The following ABAT variants were observed in gnomAD, a reference collection of about 807,000 sequenced individuals.
ABAT encodes 4-aminobutyrate aminotransferase, also known as 4-aminobutyrate aminotransferase, mitochondrial.
A neutral mutation model predicts 64.6 loss-of-function variants in ABAT; 45 were observed. That is an observed-to-expected ratio of 0.70 (90% confidence interval 0.55 to 0.89). The LOEUF (loss-of-function observed/expected upper bound fraction) is 0.89, where lower values mean the gene tolerates loss of function less well. ABAT is among the 40% of genes least tolerant of loss of function. The pLI is 0.00. For synonymous variants in ABAT, 297 were observed against 250.5 expected (o/e 1.19, Z -1.75); for missense variants, 633 against 658.4 (o/e 0.96, Z 0.42).
chr16:8,681,575 C>T (rs1191746468), intron 1 of ABAT, among the ~76,000 whole-genome samples: 1 of 148,564 alleles, frequency 6.7e-6, no homozygotes, highest in Non-Finnish European at 1.5e-5. Flanking sequence ...AGAGACTTTG[C>T]AGAAATAGTT....
intron 1 of ABAT, among the ~76,000 whole-genome samples, chr16:8,719,853 C>T (rs1244381892): frequency 1.3e-5 from 2 of 152,204 alleles, no homozygotes; most frequent in African/African-American, 4.8e-5. Flanking sequence ...ACTCTTGTCG[C>T]CAGGTTGGAG....
chr16:8,754,722 C>T (rs12932819), intron 5 of ABAT, among the ~76,000 whole-genome samples: 4,707 of 132,990 alleles, frequency 0.035, 307 homozygotes, highest in African/African-American at 0.13. Flanking sequence ...TTCTTTCTTT[C>T]TTTTTTTTTT....
intron 2 of ABAT, among the ~76,000 whole-genome samples, chr16:8,743,441 A>ATATATATG (rs1158084095): frequency 1.1e-5 from 1 of 89,010 alleles, no homozygotes; most frequent in African/African-American, 3.8e-5. Flanking sequence ...ATATATATAT[A>ATATATATG]TATACACACA....
chr16:8,777,905 A>G (rs1040930288), intron 14 of ABAT, among the ~76,000 whole-genome samples: 7 of 152,166 alleles, frequency 4.6e-5, no homozygotes, highest in Non-Finnish European at 1.0e-4. Context: ...CTTCAGCTCA[A>G]CTGAGTTTGA....
intron 2 of ABAT, among the ~76,000 whole-genome samples, chr16:8,742,021 G>T (rs1173257170): frequency 6.6e-6 from 1 of 152,192 alleles, no homozygotes; most frequent in Non-Finnish European, 1.5e-5. Context: ...CTTTCTGATA[G>T]CGCAGTTGCA....
intron 1 of ABAT, among the ~76,000 whole-genome samples, chr16:8,704,749 T>C (rs2057901901): frequency 6.6e-6 from 1 of 152,230 alleles, no homozygotes; most frequent in African/African-American, 2.4e-5. Context: ...TTTCAGTTAA[T>C]GTCATATAAT....
chr16:8,768,761 T>C, intron 10 of ABAT, 64 bp from the exon 11 acceptor site: 2 of 1,610,760 alleles, frequency 1.2e-6, no homozygotes, highest in Non-Finnish European at 1.7e-6. Flanking sequence ...TCATCTCCTT[T>C]ACAAAGACGG....
intron 5 of ABAT, among the ~76,000 whole-genome samples, chr16:8,752,778 A>G (rs1191077532): frequency 6.6e-6 from 1 of 152,210 alleles, no homozygotes; most frequent in Non-Finnish European, 1.5e-5. Flanking sequence ...AGTAAAAAAC[A>G]AAAACAGAAA....
At chr16:8,726,157 C>G (rs898983393) in intron 1 of ABAT, among the ~76,000 whole-genome samples, 1 of 151,980 alleles carries the variant, frequency 6.6e-6, no homozygotes, top group East Asian at 1.9e-4. Flanking sequence ...ATTTTTAGAT[C>G]CCACAAATAA....
At chr16:8,681,266 C>T (rs1434110039) in intron 1 of ABAT, among the ~76,000 whole-genome samples, 1 of 152,112 alleles carries the variant, frequency 6.6e-6, no homozygotes, top group East Asian at 1.9e-4. Flanking sequence ...GCTGGGATTA[C>T]AAGTGTGAAC....
chr16:8,769,026 C>A (rs1454027007), intron 11 of ABAT, 53 bp downstream of exon 11: 1 of 1,610,340 alleles, frequency 6.2e-7, no homozygotes, highest in Non-Finnish European at 8.5e-7. Context: ...GTTGCTCTTG[C>A]CGCCCCAAGA....
intron 13 of ABAT, among the ~76,000 whole-genome samples, chr16:8,775,597 C>A (rs1418607094): frequency 6.6e-6 from 1 of 151,984 alleles, no homozygotes; most frequent in Non-Finnish European, 1.5e-5. Context: ...CATCAGGGGC[C>A]AACGTCCTTT....
At chr16:8,686,875 A>C (rs1051103057) in intron 1 of ABAT, among the ~76,000 whole-genome samples, 8 of 152,224 alleles carry the variant, frequency 5.3e-5, no homozygotes, top group Non-Finnish European at 1.2e-4. Flanking sequence ...ATCAATGCTG[A>C]ATATGAACTG....
intron 5 of ABAT, among the ~76,000 whole-genome samples, chr16:8,756,748 C>T (rs1026228080): frequency 6.6e-6 from 1 of 152,182 alleles, no homozygotes; most frequent in Non-Finnish European, 1.5e-5. Flanking sequence ...GGCTTATTTC[C>T]CTGACCCACT....
Position 8,764,921 on chromosome 16 carries a change from G to C in ABAT, c.540+91G>C. The C allele has an allele frequency of 2.5e-6, 3 of 1,202,194 alleles. No individual in the cohort carries two copies. The highest frequency in any genetic ancestry group is 3.7e-6 in the Non-Finnish European group (3 of 813,808). The allele number at this position is 1,202,194 out of a possible 1,614,324, so 74.5% of individuals were successfully genotyped here. A position where few individuals can be genotyped will look rare whatever the true frequency, so the allele number is the denominator to read the frequency against. On this transcript the variant is annotated intron_variant, in intron 8 of 15. Coordinates refer to ENST00000268251, the MANE Select transcript of ABAT (RefSeq NM_020686.6). The surrounding 1 kb of genome is among the most constrained non-coding windows in gnomAD (Gnocchi z 4.2). ...CCTTGTCTGACTGTTCATTCCAATG[G>C]GCTGGAGTATTAGACATCAGTACCA... is the stretch of plus-strand genomic sequence containing the variant.
chr16:8,685,687 A>G (rs966288056), intron 1 of ABAT, among the ~76,000 whole-genome samples: 1 of 152,000 alleles, frequency 6.6e-6, no homozygotes, highest in Non-Finnish European at 1.5e-5. Context: ...AAACAAAAAC[A>G]AAAAAACAAA....
chr16:8,738,101 G>A (rs147331035), intron 2 of ABAT, among the ~76,000 whole-genome samples: 8 of 150,986 alleles, frequency 5.3e-5, no homozygotes, highest in East Asian at 3.9e-4. Flanking sequence ...CAGGAGGATC[G>A]CTTGAGCCCA....
chr16:8,772,711 A>C (rs2060148633), intron 11 of ABAT, 69 bp from the exon 12 acceptor site: 1 of 1,608,852 alleles, frequency 6.2e-7, no homozygotes, highest in Non-Finnish European at 8.5e-7. Flanking sequence ...ATCGAACCCC[A>C]GATTCCCACC....
chr16:8,679,615 G>A (rs772118370), intron 1 of ABAT, among the ~76,000 whole-genome samples: 7 of 150,846 alleles, frequency 4.6e-5, no homozygotes, highest in East Asian at 1.9e-4. Context: ...CATGTGTTCC[G>A]ACCCCCAGTA....
Sources: gnomAD v4.1 joint callset for allele counts (sites outside exome capture counted in the v4.1 genomes callset) on GRCh38, gnomAD v4.1.1 for gene constraint, Gnocchi (gnomAD v3.1) non-coding constraint, MANE v1.5 for transcripts, NCBI Gene and HGNC (gene_info 2026-07-23, HGNC 2026-07-21) for gene names.